Variants in TCF20 observed in about 807,000 individuals in gnomAD.
TCF20 encodes transcription factor 20.
A neutral mutation model predicts 148.6 loss-of-function variants in TCF20; 3 were observed. The ratio of observed to expected loss-of-function variants is 0.02; its 90% CI spans 0.01 to 0.05. TCF20 has a LOEUF of 0.05. Among genes scored for constraint, TCF20 ranks in the 10% least tolerant of loss-of-function variants. The probability of loss-of-function intolerance (pLI) is 1.00; values close to 1 mark genes in which losing one functional copy is unlikely to be tolerated. For synonymous variants in TCF20, 1,049 were observed against 909.5 expected (o/e 1.15, Z -2.76); for missense variants, 2,350 against 2,429.3 (o/e 0.97, Z 0.69).
chr22:42,244,498 T>C (rs1924741094), intron 1 of TCF20, among the ~76,000 whole-genome samples: 1 of 152,054 alleles, frequency 6.6e-6, no homozygotes, highest in Admixed American at 6.6e-5. Context: ...TGTAGATAAA[T>C]CTCAAAACAC....
chr22:42,307,859 T>G lies in TCF20; in HGVS notation c.-37+35620A>C, dbSNP rs147387145. On this transcript the variant is annotated intron_variant, in intron 1 of 1. Coordinates refer to the TCF20 transcript ENST00000515426. ...CCCTCAGACTCTCTGAGCTCCAGCT[T>G]GGACGGCCAGCTGGACACCGGCCTC... 3.4e-3 allele frequency among the ~76,000 whole-genome samples: 513 copies of G among 152,272 alleles called. 3 individuals carry two copies. Among genetic ancestry groups the G allele is most frequent in the African/African-American group, 0.011 (476 of 41,560 alleles).
At chr22:42,264,267 GGGGGC>G (rs1926167150) in intron 1 of TCF20, among the ~76,000 whole-genome samples, 2 of 150,342 alleles carry the variant, frequency 1.3e-5, no homozygotes, top group South Asian at 2.1e-4. Context: ...AAAGTGGGGC[GGGGGC>G]GGGGCGGGGG....
chr22:42,179,292 T>C (rs1936630825), intron 3 of TCF20, among the ~76,000 whole-genome samples: 1 of 150,728 alleles, frequency 6.6e-6, no homozygotes, highest in East Asian at 1.9e-4. Flanking sequence ...GCATTATTCA[T>C]AACAGTCAAA....
chr22:42,237,562 A>G (rs765020462), intron 1 of TCF20, among the ~76,000 whole-genome samples: 1 of 152,182 alleles, frequency 6.6e-6, no homozygotes, highest in Non-Finnish European at 1.5e-5. Context: ...AGAATGGTAA[A>G]TCCTTTCCGA....
intron 1 of TCF20, among the ~76,000 whole-genome samples, chr22:42,254,008 G>A (rs193221617): frequency 1.7e-3 from 256 of 151,316 alleles, no homozygotes; most frequent in African/African-American, 5.4e-3. Context: ...CCCGGGAGGC[G>A]GAGGTTGCGG....
At chr22:42,294,426 G>A (rs901259547) in intron 1 of TCF20, among the ~76,000 whole-genome samples, 3 of 152,184 alleles carry the variant, frequency 2.0e-5, no homozygotes, top group Non-Finnish European at 1.5e-5. Flanking sequence ...AAGACTCCAG[G>A]AGCGGGAGGG....
upstream of TCF20, among the ~76,000 whole-genome samples, chr22:42,272,799 T>G (rs144193210): frequency 7.3e-4 from 111 of 152,354 alleles, no homozygotes; most frequent in Non-Finnish European, 1.4e-3. Context: ...TGTGGGTTAC[T>G]CTTGGACTGC....
At chr22:42,332,758 G>A (rs956881482) in intron 1 of TCF20, among the ~76,000 whole-genome samples, 14 of 152,178 alleles carry the variant, frequency 9.2e-5, no homozygotes, top group African/African-American at 2.7e-4. Context: ...ATGAGCCACC[G>A]TGCCCCGCAC....
intron 1 of TCF20, among the ~76,000 whole-genome samples, chr22:42,323,911 GTGGTGATGGAGGTTA>G (rs1927792769): frequency 7.7e-6 from 1 of 129,676 alleles, no homozygotes; most frequent in Non-Finnish European, 1.7e-5. Flanking sequence ...GGAGGTGGTG[GTGGTGATGGAGGTTA>G]TGGTGGTGGT....
At chr22:42,258,960 T>TC (rs1925889878) in intron 1 of TCF20, among the ~76,000 whole-genome samples, 1 of 152,210 alleles carries the variant, frequency 6.6e-6, no homozygotes, top group Non-Finnish European at 1.5e-5. Flanking sequence ...AAGGTCTGAC[T>TC]CCCAATTTAC....
At chr22:42,170,596 C>A (rs1936067018) in intron 3 of TCF20, among the ~76,000 whole-genome samples, 1 of 131,560 alleles carries the variant, frequency 7.6e-6, no homozygotes, top group African/African-American at 3.0e-5. Context: ...CCACTGCACT[C>A]CAGCCTGGTG....
chr22:42,276,669 C>T (rs1926785999), intron 1 of TCF20: 1 of 152,214 alleles, frequency 6.6e-6, no homozygotes, highest in Non-Finnish European at 1.5e-5. Context: ...GATGCCGATG[C>T]TTAATCAACT....
chr22:42,313,293 G>T (rs1489170097), intron 1 of TCF20, among the ~76,000 whole-genome samples: 1 of 152,198 alleles, frequency 6.6e-6, no homozygotes, highest in South Asian at 2.1e-4. Context: ...CATGGACAAG[G>T]CGAGGTTCTC....
Position 42,210,277 on chromosome 22 carries a change from T to C in TCF20, c.5029A>G (p.Thr1677Ala), listed in dbSNP as rs766342408. 1 of 1,614,222 alleles carries C rather than the reference T, an allele frequency of 6.2e-7. No homozygotes were observed. Among genetic ancestry groups the C allele is most frequent in the Non-Finnish European group, 8.5e-7 (1 of 1,180,046 alleles). Residue 1677 changes from threonine (T) to alanine (A), a missense_variant, in exon 2 of 6, where the codon ACT becomes GCT. Transcript: ENST00000677622. The surrounding 1 kb of genome is among the most constrained non-coding windows in gnomAD (Gnocchi z 4.7). ...QRSLTPPPSS[T>A]ESKALPASSF... ...GAGGCCGGGAGCGCCTTGCTTTCAG[T>C]GCTGCTAGGTGGAGGGGTCAGTGAC...
chr22:42,225,450 TA>T (rs1158906909), intron 1 of TCF20, among the ~76,000 whole-genome samples: 1 of 149,406 alleles, frequency 6.7e-6, no homozygotes, highest in African/African-American at 2.5e-5. Flanking sequence ...CCGTCTCTAC[TA>T]AAAATACAAA....
rs764243022 is a variant in TCF20, at chr22:42,213,193, G to A, written c.2113C>T (p.Leu705=). Residue 705 remains leucine (L), a synonymous_variant, in exon 2 of 6, where the codon CTG becomes TTG. Transcript: ENST00000677622. ...RTEPSKSPGS[L]RYSYKDSFGS... ...AAACTATCTTTGTAACTATAGCGCA[G>A]ACTTCCAGGAGATTTGCTAGGCTCA... 2 of 1,614,102 alleles carry A rather than the reference G, an allele frequency of 1.2e-6. No individual in the cohort carries two copies. Among genetic ancestry groups the A allele is most frequent in the Non-Finnish European group, 1.7e-6 (2 of 1,180,050 alleles).
intron 3 of TCF20, among the ~76,000 whole-genome samples, chr22:42,174,550 C>T (rs1315346580): frequency 1.3e-5 from 2 of 152,084 alleles, no homozygotes; most frequent in Non-Finnish European, 2.9e-5. Context: ...TCACAGTATT[C>T]CCAATATAAA....
chr22:42,179,508 A>G (rs1340294458), intron 3 of TCF20, 101 bp downstream of exon 3: 9 of 761,728 alleles, frequency 1.2e-5, no homozygotes, highest in East Asian at 2.9e-5. Context: ...AAAAAAAAAA[A>G]AAAGAAAAGA....
In TCF20 at chr22:42,270,459, C is replaced by T. The variant is rs963263184; in HGVS notation, c.-157G>A. Among the ~76,000 whole-genome samples, 1 of 140,630 alleles carries T rather than the reference C, an allele frequency of 7.1e-6. No individual in the cohort carries two copies. Among genetic ancestry groups the T allele is most frequent in the Non-Finnish European group, 1.6e-5 (1 of 64,118 alleles). 92.3% of individuals were successfully genotyped at this position (140,630 alleles called of 152,430 possible). A position where few individuals can be genotyped will look rare whatever the true frequency, so the allele number is the denominator to read the frequency against. Reference sequence around the variant, plus strand: ...GGGGGTGGCTCCGCCGCCTCCAGCTCGGGCGCCCGGGCCGGCGGCGGGGCG... The same window carrying T: ...GGGGGTGGCTCCGCCGCCTCCAGCTTGGGCGCCCGGGCCGGCGGCGGGGCG... On this transcript the variant is annotated 5_prime_UTR_variant, in exon 1 of 6. Transcript: ENST00000677622.
Sources: gnomAD v4.1 joint callset for allele counts (sites outside exome capture counted in the v4.1 genomes callset) on GRCh38, gnomAD v4.1.1 for gene constraint, Gnocchi (gnomAD v3.1) non-coding constraint, MANE v1.5 for transcripts, NCBI Gene and HGNC (gene_info 2026-07-23, HGNC 2026-07-21) for gene names.